NTM: variants seen among roughly 807,000 people sequenced by gnomAD.
The protein encoded by NTM is neurotrimin, also known as IgLON family member 2.
Under a neutral mutation model 42.1 loss-of-function variants are expected in NTM, and 13 were observed. That is an observed-to-expected ratio of 0.31 (90% CI 0.20 to 0.49). NTM has a LOEUF of 0.49. NTM is among the 20% of genes least tolerant of loss of function. The pLI is 0.99. For synonymous variants in NTM, 187 were observed against 179.2 expected (o/e 1.04, Z -0.35); for missense variants, 373 against 452.8 (o/e 0.82, Z 1.60).
chr11:131,616,270 C>A (rs1168952248), intron 1 of NTM, among the ~76,000 whole-genome samples: 1 of 152,216 alleles, frequency 6.6e-6, no homozygotes, highest in African/African-American at 2.4e-5. Flanking sequence ...TTTCTCCTTC[C>A]TCACCCAAGA....
chr11:131,528,025 A>T (rs183671378), intron 1 of NTM, among the ~76,000 whole-genome samples: 1 of 152,360 alleles, frequency 6.6e-6, no homozygotes, highest in African/African-American at 2.4e-5. Flanking sequence ...AAGTTTTCAG[A>T]TGAGAAATGC....
chr11:132,149,231 C>CA (rs59485155), intron 3 of NTM, among the ~76,000 whole-genome samples: 27,330 of 122,846 alleles, frequency 0.22, 3,065 homozygotes, highest in Middle Eastern at 0.32. Context: ...TCCTGGATTA[C>CA]AAAAAAAAAA....
chr11:132,069,639 A>G (rs1050633582), intron 2 of NTM, among the ~76,000 whole-genome samples: 2 of 150,318 alleles, frequency 1.3e-5, no homozygotes, highest in African/African-American at 2.5e-5. Context: ...AGGTTAGTTA[A>G]CAGGTCACCC....
At chr11:131,780,410 C>T (rs1177759459) in intron 1 of NTM, among the ~76,000 whole-genome samples, 1 of 152,048 alleles carries the variant, frequency 6.6e-6, no homozygotes, top group Non-Finnish European at 1.5e-5. Context: ...ATGGGTCATT[C>T]TCAAATGTAG....
intron 2 of NTM, among the ~76,000 whole-genome samples, chr11:131,974,559 G>C (rs1051681523): frequency 6.6e-6 from 1 of 152,128 alleles, no homozygotes; most frequent in African/African-American, 2.4e-5. Context: ...ACGTCTGAGA[G>C]GTGCACAAAA....
intron 1 of NTM, among the ~76,000 whole-genome samples, chr11:131,528,440 A>G (rs1543120): frequency 0.081 from 12,385 of 152,220 alleles, 575 homozygotes; most frequent in Middle Eastern, 0.15. Context: ...TCTGCATTTT[A>G]TAATTAAGGA....
intron 1 of NTM, among the ~76,000 whole-genome samples, chr11:131,814,221 G>A (rs1294045302): frequency 1.3e-5 from 2 of 152,088 alleles, no homozygotes; most frequent in East Asian, 1.9e-4. Flanking sequence ...GGCCACTTTG[G>A]GTTTTACTCC....
intron 4 of NTM, among the ~76,000 whole-genome samples, chr11:132,247,189 C>T (rs1027865874): frequency 1.3e-5 from 2 of 152,182 alleles, no homozygotes; most frequent in African/African-American, 4.8e-5. Flanking sequence ...TGTGGTTTGC[C>T]ATCTGCGTGT....
chr11:131,694,056 G>A (rs898515269), intron 1 of NTM, among the ~76,000 whole-genome samples: 9 of 152,126 alleles, frequency 5.9e-5, no homozygotes, highest in South Asian at 2.1e-4. Flanking sequence ...CCCGACTTTC[G>A]TTTTCTCCTC....
intron 1 of NTM, chr11:131,795,855 G>A (rs941086666): frequency 4.1e-6 from 4 of 985,176 alleles, no homozygotes; most frequent in Non-Finnish European, 4.8e-6. Flanking sequence ...AATGCACAGG[G>A]TGCTCCTGAA....
chr11:131,632,612 T>C (rs1216061424), intron 1 of NTM, among the ~76,000 whole-genome samples: 1 of 151,766 alleles, frequency 6.6e-6, no homozygotes, highest in African/African-American at 2.4e-5. Context: ...TCCCCCCTTT[T>C]CTGGAATATG....
intron 1 of NTM, among the ~76,000 whole-genome samples, chr11:131,711,716 G>T (rs1379254772): frequency 2.6e-5 from 4 of 151,796 alleles, no homozygotes; most frequent in Non-Finnish European, 4.4e-5. Flanking sequence ...CAATAGCAAA[G>T]ACTTGGAACC....
At chr11:131,951,693 G>A (rs2061001483) in intron 2 of NTM, among the ~76,000 whole-genome samples, 2 of 151,906 alleles carry the variant, frequency 1.3e-5, no homozygotes, top group African/African-American at 2.4e-5. Flanking sequence ...GTGGTGGTGT[G>A]TGCCTGTATT....
At chr11:131,868,560 G>A (rs2047453642) in intron 1 of NTM, among the ~76,000 whole-genome samples, 1 of 152,164 alleles carries the variant, frequency 6.6e-6, no homozygotes, top group African/African-American at 2.4e-5. Context: ...ATCTGGAAAT[G>A]ACACACCTTT....
chr11:131,966,651 G>A (rs1212829007), intron 2 of NTM, among the ~76,000 whole-genome samples: 1 of 152,188 alleles, frequency 6.6e-6, no homozygotes. Context: ...TCCATGGGCA[G>A]GGGTGGCTGG....
At chr11:132,240,043 G>GTCCATCCC (rs543656249) in intron 4 of NTM, among the ~76,000 whole-genome samples, 4 of 143,848 alleles carry the variant, frequency 2.8e-5, no homozygotes, top group Non-Finnish European at 3.1e-5. Context: ...TCCATCATCC[G>GTCCATCCC]TCCATCCCTC....
At chr11:132,232,453 T>TG (rs1228419956) in intron 4 of NTM, among the ~76,000 whole-genome samples, 1 of 152,108 alleles carries the variant, frequency 6.6e-6, no homozygotes, top group East Asian at 1.9e-4. Flanking sequence ...GGTCTACACT[T>TG]GGGTGAGGAA....
chr11:131,703,101 CATT>C (rs746422913), intron 1 of NTM, among the ~76,000 whole-genome samples: 2 of 152,162 alleles, frequency 1.3e-5, no homozygotes, highest in Non-Finnish European at 2.9e-5. Flanking sequence ...AAGCCATTAA[CATT>C]AGAAGTATTG....
intron 2 of NTM, among the ~76,000 whole-genome samples, chr11:132,115,179 G>A (rs67152151): frequency 0.41 from 62,410 of 151,978 alleles, 13,226 homozygotes; most frequent in African/African-American, 0.49. Context: ...GCTGGTGAAC[G>A]GGTACAAAGT....
Sources: allele counts gnomAD v4.1 joint callset (sites outside exome capture counted in the v4.1 genomes callset), GRCh38; gene constraint gnomAD v4.1.1; transcripts MANE v1.5; gene names NCBI Gene and HGNC (gene_info 2026-07-23, HGNC 2026-07-21).